Variants in SLC14A2 observed in about 807,000 individuals in gnomAD.
The protein encoded by SLC14A2 is urea transporter 2.
Under a neutral mutation model 104.6 loss-of-function variants are expected in SLC14A2, and 91 were observed. That is an observed-to-expected ratio of 0.87 (90% confidence interval 0.73 to 1.04). The LOEUF is 1.04. Ranked by LOEUF, SLC14A2 falls within the 50% of genes least tolerant of loss-of-function variation. SLC14A2 has a pLI of 0.00. For synonymous variants in SLC14A2, 476 were observed against 466.4 expected (o/e 1.02, Z -0.27); for missense variants, 1,189 against 1,156.0 (o/e 1.03, Z -0.41).
chr18:45,606,549 G>T (rs568326674), intron 2 of SLC14A2, among the ~76,000 whole-genome samples: 1 of 152,034 alleles, frequency 6.6e-6, no homozygotes, highest in Non-Finnish European at 1.5e-5. Context: ...CCACAATCAC[G>T]ATGCCACTGT....
At chr18:45,274,190 A>T (rs528221368) in intron 1 of SLC14A2, among the ~76,000 whole-genome samples, 1 of 152,234 alleles carries the variant, frequency 6.6e-6, no homozygotes, top group Non-Finnish European at 1.5e-5. Flanking sequence ...AAAGTACATG[A>T]ATCAGCTGTG....
At chr18:45,347,594 T>A (rs929741529) in intron 1 of SLC14A2, among the ~76,000 whole-genome samples, 1 of 152,222 alleles carries the variant, frequency 6.6e-6, no homozygotes, top group African/African-American at 2.4e-5. Flanking sequence ...TATTCTGTTT[T>A]CCATCTCTCC....
intron 1 of SLC14A2, among the ~76,000 whole-genome samples, chr18:45,241,904 A>G (rs2084321816): frequency 6.6e-6 from 1 of 151,778 alleles, no homozygotes; most frequent in Non-Finnish European, 1.5e-5. Context: ...CGGCCTCCCA[A>G]AGTGCTGGGA....
chr18:45,333,855 A>T (rs2085313061), intron 1 of SLC14A2, among the ~76,000 whole-genome samples: 1 of 152,240 alleles, frequency 6.6e-6, no homozygotes, highest in African/African-American at 2.4e-5. Flanking sequence ...CCCACCCAGT[A>T]TTGACACCTA....
the SLC14A2 span, among the ~76,000 whole-genome samples, chr18:45,173,134 A>G: frequency 7.2e-5 from 11 of 152,300 alleles, no homozygotes; most frequent in Non-Finnish European, 1.3e-4. Context: ...TAGCTGTAGT[A>G]TTCACCAACT....
chr18:45,249,236 C>A (rs1021899400), intron 1 of SLC14A2, among the ~76,000 whole-genome samples: 6 of 150,542 alleles, frequency 4.0e-5, no homozygotes, highest in African/African-American at 1.2e-4. Context: ...ATGTTTCCTT[C>A]ATTAAAAACT....
At chr18:45,291,583 G>C (rs2084869760) in intron 1 of SLC14A2, among the ~76,000 whole-genome samples, 1 of 152,286 alleles carries the variant, frequency 6.6e-6, no homozygotes, top group East Asian at 1.9e-4. Flanking sequence ...AGGCAAGAGG[G>C]GACGATATTA....
At chr18:45,267,100 G>C (rs1310869465) in intron 1 of SLC14A2, among the ~76,000 whole-genome samples, 9 of 152,114 alleles carry the variant, frequency 5.9e-5, no homozygotes, top group Admixed American at 5.9e-4. Context: ...AACATTTAGT[G>C]TTCAGGGTTC....
chr18:45,641,570 A>C (rs1235394862), intron 8 of SLC14A2, among the ~76,000 whole-genome samples: 1 of 152,228 alleles, frequency 6.6e-6, no homozygotes, highest in Non-Finnish European at 1.5e-5. Context: ...ACAGTGTTGT[A>C]AAGTTTATAA....
chr18:45,512,435 A>C (rs1450761854), intron 2 of SLC14A2, among the ~76,000 whole-genome samples: 1 of 152,216 alleles, frequency 6.6e-6, no homozygotes, highest in Admixed American at 6.5e-5. Flanking sequence ...TGAAGAGTCA[A>C]GAGAAATTCG....
At chr18:45,490,413 CATT>C (rs1217407312) in intron 2 of SLC14A2, among the ~76,000 whole-genome samples, 3 of 152,152 alleles carry the variant, frequency 2.0e-5, no homozygotes, top group South Asian at 4.1e-4. Context: ...GGAAAATTAA[CATT>C]AGAGCTCAAT....
At chr18:45,418,264 G>A (rs953272741) in intron 1 of SLC14A2, among the ~76,000 whole-genome samples, 13 of 152,158 alleles carry the variant, frequency 8.5e-5, no homozygotes, top group Non-Finnish European at 1.5e-5. Flanking sequence ...GGAGGGAGAC[G>A]AGACATAAAG....
chr18:45,628,026 G>GAAAAAGA (rs1339661385), intron 4 of SLC14A2, among the ~76,000 whole-genome samples: 2 of 143,764 alleles, frequency 1.4e-5, no homozygotes, highest in African/African-American at 5.2e-5. Flanking sequence ...AAAAAGAAAA[G>GAAAAAGA]AAAAAGAAAA....
At chr18:45,664,169 A>G (rs1188844615) in intron 11 of SLC14A2, among the ~76,000 whole-genome samples, 1 of 152,204 alleles carries the variant, frequency 6.6e-6, no homozygotes, top group Non-Finnish European at 1.5e-5. Context: ...CCTGCATCCC[A>G]TCCCAGTGAC....
chr18:45,194,643 AT>A, the SLC14A2 span, among the ~76,000 whole-genome samples: 1,246 of 108,784 alleles, frequency 0.011, 7 homozygotes, highest in African/African-American at 0.042. Flanking sequence ...TTGGTCTGTA[AT>A]TTTTTTTTTT....
chr18:45,483,396 A>C (rs2087534638), intron 2 of SLC14A2: 1 of 152,188 alleles, frequency 6.6e-6, no homozygotes. Flanking sequence ...TTAAACCATA[A>C]AAAACCGAAA....
intron 2 of SLC14A2, among the ~76,000 whole-genome samples, chr18:45,566,536 CACACACACACAG>C (rs1031625695): frequency 1.3e-5 from 2 of 151,904 alleles, no homozygotes; most frequent in African/African-American, 4.8e-5. Flanking sequence ...CACACACACA[CACACACACACAG>C]TGTCCACATC....
intron 1 of SLC14A2, among the ~76,000 whole-genome samples, chr18:45,466,812 T>C (rs2087151856): frequency 6.6e-6 from 1 of 152,088 alleles, no homozygotes; most frequent in Admixed American, 6.5e-5. Context: ...CCCCTGTGAA[T>C]GAATAAATTA....
chr18:45,651,632 C>T (rs186367893), intron 10 of SLC14A2, among the ~76,000 whole-genome samples: 76 of 152,272 alleles, frequency 5.0e-4, no homozygotes, highest in African/African-American at 1.6e-3. Context: ...GTTGGAGATG[C>T]TTGTTTGGGG....
Sources: allele counts gnomAD v4.1 joint callset (sites outside exome capture counted in the v4.1 genomes callset), GRCh38; gene constraint gnomAD v4.1.1; transcripts MANE v1.5; gene names NCBI Gene and HGNC (gene_info 2026-07-23, HGNC 2026-07-21).